NEDD4L: variants seen among roughly 807,000 people sequenced by gnomAD.
NEDD4L encodes the protein E3 ubiquitin-protein ligase NEDD4-like.
Under a neutral mutation model 148.9 loss-of-function variants are expected in NEDD4L, and 54 were observed. The observed-to-expected ratio is 0.36, with a 90% CI of 0.29 to 0.45. The LOEUF is 0.45. Ranked by LOEUF, NEDD4L falls within the 20% of genes least tolerant of loss-of-function variation. The pLI is 1.00. For missense variants in NEDD4L, 856 were observed against 1,233.8 expected, an observed-to-expected ratio of 0.69 and a Z score of 4.59; for synonymous variants, 433 against 440.7, an observed-to-expected ratio of 0.98 and a Z score of 0.22.
intron 2 of NEDD4L, among the ~76,000 whole-genome samples, chr18:58,219,105 T>A (rs2043460327): frequency 1.3e-5 from 2 of 152,240 alleles, no homozygotes; most frequent in Admixed American, 6.5e-5. Context: ...CTGACTATTT[T>A]CCAGTTACAT....
intron 5 of NEDD4L, among the ~76,000 whole-genome samples, chr18:58,274,236 G>A (rs555199869): frequency 1.4e-4 from 21 of 152,306 alleles, no homozygotes; most frequent in African/African-American, 4.6e-4. Flanking sequence ...GATGGGCCCA[G>A]TCCGTCTCCA....
intron 1 of NEDD4L, among the ~76,000 whole-genome samples, chr18:58,126,442 G>A (rs756666125): frequency 2.6e-5 from 4 of 151,734 alleles, no homozygotes; most frequent in South Asian, 2.1e-4. Context: ...GGCCCATCCC[G>A]TGTGATAGCA....
At chr18:58,335,396 C>A in intron 12 of NEDD4L, 82 bp from the exon 13 acceptor site, 2 of 1,143,050 alleles carry the variant, frequency 1.7e-6, no homozygotes, top group Non-Finnish European at 2.7e-6. Context: ...CCTTACAGCG[C>A]TGCCACAGCA....
chr18:58,385,401 A>G (rs1257044568), intron 25 of NEDD4L, 125 bp from the exon 26 acceptor site: 5 of 796,454 alleles, frequency 6.3e-6, no homozygotes, highest in African/African-American at 5.0e-5. Context: ...CAGTGGGGGC[A>G]CAGAGGAGAC....
At chr18:58,259,520 C>T (rs2148635060) in intron 5 of NEDD4L, among the ~76,000 whole-genome samples, 1 of 152,208 alleles carries the variant, frequency 6.6e-6, no homozygotes, top group East Asian at 1.9e-4. Flanking sequence ...AGCATTTGTG[C>T]CCCCTTTGTA....
intron 1 of NEDD4L, among the ~76,000 whole-genome samples, chr18:58,063,567 A>C (rs1599010828): frequency 8.4e-6 from 1 of 118,684 alleles, no homozygotes; most frequent in Non-Finnish European, 1.7e-5. Context: ...GAGATAGTAC[A>C]GCTTTTTTTT....
Position 58,351,002 on chromosome 18 carries a change from A to G in NEDD4L, c.1665A>G (p.Glu555=), listed in dbSNP as rs1487484515. 6.3e-7 allele frequency: 1 copy of G among 1,592,738 alleles called. No homozygotes were observed. The change falls in exon 18 of 31, where the codon GAA becomes GAG. Residue 555 remains glutamate (E), a synonymous_variant. Transcript: ENST00000400345. ...TCCCCGGATACTAGCCTGGCTGGGA[A>G]GAAAGAATTCACTTGGATGGCCGAA... is the stretch of plus-strand genomic sequence containing the variant. ...NDLGPLPPGW[E]ERIHLDGRTF... is the part of the protein sequence containing the mutation.
intron 2 of NEDD4L, among the ~76,000 whole-genome samples, chr18:58,225,177 C>T (rs932299745): frequency 6.6e-6 from 1 of 152,156 alleles, no homozygotes; most frequent in African/African-American, 2.4e-5. Flanking sequence ...ACAGTCAGGG[C>T]CCTGTCACCC....
chr18:58,334,409 T>A (rs1232445895), intron 12 of NEDD4L, among the ~76,000 whole-genome samples: 4 of 152,232 alleles, frequency 2.6e-5, no homozygotes, highest in Non-Finnish European at 4.4e-5. Flanking sequence ...ATCATTTTAA[T>A]AGCTATCAGC....
intron 1 of NEDD4L, among the ~76,000 whole-genome samples, chr18:58,163,145 G>A (rs1463645673): frequency 2.6e-5 from 4 of 152,106 alleles, no homozygotes; most frequent in East Asian, 1.9e-4. Flanking sequence ...AGGCTTGATC[G>A]TAGCGCACTG....
chr18:58,165,397 G>A, intron 1 of NEDD4L, among the ~76,000 whole-genome samples: 1 of 152,134 alleles, frequency 6.6e-6, no homozygotes, highest in East Asian at 1.9e-4. Flanking sequence ...ATACAAATAT[G>A]TCAACTTCAA....
chr18:58,160,860 T>C (rs981850709), intron 1 of NEDD4L, among the ~76,000 whole-genome samples: 3 of 152,226 alleles, frequency 2.0e-5, no homozygotes, highest in African/African-American at 7.2e-5. Context: ...TAAAATTTCC[T>C]GCAACAGGTG....
intron 2 of NEDD4L, among the ~76,000 whole-genome samples, chr18:58,169,198 G>C (rs911552728): frequency 5.9e-5 from 9 of 152,190 alleles, no homozygotes; most frequent in African/African-American, 1.7e-4. Flanking sequence ...ATCATTTTCA[G>C]CTCCTTCCAG....
chr18:58,061,206 A>G (rs1163771582), intron 1 of NEDD4L, among the ~76,000 whole-genome samples: 3 of 151,864 alleles, frequency 2.0e-5, no homozygotes, highest in African/African-American at 7.3e-5. Context: ...AGGTTGAGAA[A>G]CCCTGCTGTA....
intron 1 of NEDD4L, among the ~76,000 whole-genome samples, chr18:58,145,839 A>G (rs932898731): frequency 7.2e-5 from 11 of 152,130 alleles, no homozygotes; most frequent in African/African-American, 2.7e-4. Flanking sequence ...CATTTTCACC[A>G]GTTCTGGGTC....
chr18:58,079,909 A>G (rs1216053261), intron 1 of NEDD4L, among the ~76,000 whole-genome samples: 1 of 152,176 alleles, frequency 6.6e-6, no homozygotes, highest in Non-Finnish European at 1.5e-5. Flanking sequence ...TCTTTGTTTT[A>G]ATAATAATAC....
In NEDD4L at chr18:58,167,424, A is replaced by G. The variant is rs142096724; in HGVS notation, c.122+1563A>G. Among the ~76,000 whole-genome samples the G allele has an allele frequency of 3.7e-3, 556 of 152,308 alleles. 1 individual carries two copies. Among genetic ancestry groups the G allele is most frequent in the African/African-American group, 0.012 (502 of 41,568 alleles). The stretch of plus-strand genomic sequence containing the variant: ...TGAAATACTGTTTCCTGAAACTCAC[A>G]AATTTGCTCTCTACCAAAGCCCACC... On this transcript the variant is annotated intron_variant, in intron 2 of 30. Coordinates refer to ENST00000400345, the MANE Select transcript of NEDD4L (RefSeq NM_001144967.3).
intron 1 of NEDD4L, among the ~76,000 whole-genome samples, chr18:58,092,911 A>T (rs1042981587): frequency 1.4e-5 from 2 of 141,050 alleles, no homozygotes; most frequent in African/African-American, 5.4e-5. Context: ...CCCAGGCTGG[A>T]GTGCAGTGGC....
At chr18:58,144,158 G>A (rs2033858903) in intron 1 of NEDD4L, among the ~76,000 whole-genome samples, 1 of 150,958 alleles carries the variant, frequency 6.6e-6, no homozygotes, top group African/African-American at 2.4e-5. Context: ...GGCCATTCTT[G>A]CATTGGTATA....
Sources: allele counts gnomAD v4.1 joint callset (sites outside exome capture counted in the v4.1 genomes callset), GRCh38; gene constraint gnomAD v4.1.1; transcripts MANE v1.5; gene names NCBI Gene and HGNC (gene_info 2026-07-23, HGNC 2026-07-21).